The following MECOM variants were observed in gnomAD, a reference collection of about 807,000 sequenced individuals.
MECOM encodes MDS1 and EVI1 complex locus, also known as histone-lysine N-methyltransferase MECOM.
In MECOM, 13 loss-of-function variants were observed where a neutral mutation model predicts 116.3. The observed-to-expected ratio is 0.11, with a 90% CI of 0.07 to 0.18. The LOEUF (loss-of-function observed/expected upper bound fraction) is 0.18, where lower values mean the gene tolerates loss of function less well. Among genes scored for constraint, MECOM ranks in the 10% least tolerant of loss-of-function variants. The pLI is 1.00. For synonymous variants in MECOM, 528 were observed against 535.2 expected, an observed-to-expected ratio of 0.99 and a Z score of 0.19; for missense variants, 1,299 against 1,509.0, an observed-to-expected ratio of 0.86 and a Z score of 2.31.
intron 2 of MECOM, among the ~76,000 whole-genome samples, chr3:169,160,354 A>C (rs191061128): frequency 7.7e-4 from 117 of 152,090 alleles, no homozygotes; most frequent in Non-Finnish European, 1.4e-3. Flanking sequence ...GCTAGAAATG[A>C]TATGTGTTTT....
chr3:169,356,462 C>T (rs1727294990), intron 2 of MECOM, among the ~76,000 whole-genome samples: 1 of 151,876 alleles, frequency 6.6e-6, no homozygotes, highest in Non-Finnish European at 1.5e-5. Flanking sequence ...CAGCTTGTCA[C>T]ATTTCACTGA....
At chr3:169,622,069 C>T (rs925198026) in intron 1 of MECOM, among the ~76,000 whole-genome samples, 2 of 152,218 alleles carry the variant, frequency 1.3e-5, no homozygotes, top group Non-Finnish European at 2.9e-5. Context: ...TTTGAACTGT[C>T]ACACAGATGC....
chr3:169,279,408 C>T (rs969187005), intron 2 of MECOM, among the ~76,000 whole-genome samples: 8 of 151,968 alleles, frequency 5.3e-5, no homozygotes, highest in South Asian at 2.1e-4. Flanking sequence ...TTGCTTGTTA[C>T]GTAGTTGTTC....
intron 2 of MECOM, among the ~76,000 whole-genome samples, chr3:169,286,350 C>A (rs919013875): frequency 7.9e-5 from 12 of 152,158 alleles, no homozygotes; most frequent in African/African-American, 2.9e-4. Context: ...AAGTTGTTGA[C>A]CAAGCCCTGT....
intron 2 of MECOM, among the ~76,000 whole-genome samples, chr3:169,254,414 C>CTCAT (rs1756622604): frequency 6.6e-6 from 1 of 152,158 alleles, no homozygotes; most frequent in Non-Finnish European, 1.5e-5. Flanking sequence ...GCAGCAGACA[C>CTCAT]TCATTCATTC....
chr3:169,146,606 G>A (rs1005102190), intron 2 of MECOM: 1 of 1,371,306 alleles, frequency 7.3e-7, no homozygotes, highest in Non-Finnish European at 9.7e-7. Flanking sequence ...GAGGAGGAAA[G>A]AAGGCTGGGG....
chr3:169,265,522 A>G (rs1340039824), intron 2 of MECOM, among the ~76,000 whole-genome samples: 1 of 152,232 alleles, frequency 6.6e-6, no homozygotes, highest in African/African-American at 2.4e-5. Context: ...CATAGAAGTC[A>G]TCATTGGAAG....
intron 1 of MECOM, among the ~76,000 whole-genome samples, chr3:169,467,565 G>A (rs1560310519): frequency 6.6e-6 from 1 of 152,138 alleles, no homozygotes; most frequent in Non-Finnish European, 1.5e-5. Context: ...ATACCCTTGA[G>A]TGTCCAACTA....
intron 2 of MECOM, among the ~76,000 whole-genome samples, chr3:169,333,773 A>C (rs1393672528): frequency 6.6e-6 from 1 of 152,082 alleles, no homozygotes; most frequent in Non-Finnish European, 1.5e-5. Context: ...GGAGTTCTAC[A>C]TAACAACTGT....
At chr3:169,518,919 T>C (rs1188543274) in intron 1 of MECOM, among the ~76,000 whole-genome samples, 1 of 152,224 alleles carries the variant, frequency 6.6e-6, no homozygotes, top group East Asian at 1.9e-4. Context: ...CCTCCTTGCC[T>C]TCTGCCATGA....
rs1423744397 is a variant in MECOM, at chr3:169,341,120, T to C, written c.375+40067A>G. On this transcript the variant is annotated intron_variant, in intron 2 of 16. Coordinates refer to ENST00000651503, the MANE Select transcript of MECOM (RefSeq NM_004991.4). ...GCATTATGTAAACAAAGGATTTTTCTAATACAATCTTAAAGTCCCACTTTT... is the reference window on the plus strand; with the variant it reads ...GCATTATGTAAACAAAGGATTTTTCCAATACAATCTTAAAGTCCCACTTTT... 2.6e-5 allele frequency among the ~76,000 whole-genome samples: 4 copies of C among 152,218 alleles called. No individual in the cohort carries two copies. In the East Asian group the frequency reaches 7.7e-4, roughly 29 times the overall value.
chr3:169,451,444 G>C (rs999188224), intron 1 of MECOM, among the ~76,000 whole-genome samples: 5 of 152,216 alleles, frequency 3.3e-5, no homozygotes, highest in African/African-American at 1.2e-4. Context: ...AGAAGGGAAA[G>C]TAGATAGAAA....
At chr3:169,115,263 C>T in intron 8 of MECOM, 120 bp downstream of exon 8, 2 of 1,098,964 alleles carry the variant, frequency 1.8e-6, no homozygotes, top group South Asian at 2.0e-5. Flanking sequence ...CTAGATCAAA[C>T]AACTTCACTC....
chr3:169,527,710 G>A (rs189221754), intron 1 of MECOM, among the ~76,000 whole-genome samples: 128 of 152,170 alleles, frequency 8.4e-4, no homozygotes, highest in Middle Eastern at 3.4e-3. Flanking sequence ...AGGGCCTATG[G>A]TTAGAGAAGA....
chr3:169,217,251 C>T (rs1228338873), intron 2 of MECOM, among the ~76,000 whole-genome samples: 1 of 151,948 alleles, frequency 6.6e-6, no homozygotes, highest in African/African-American at 2.4e-5. Context: ...TGAACTATAG[C>T]TAGACTCTTG....
intron 2 of MECOM, among the ~76,000 whole-genome samples, chr3:169,282,514 T>C (rs189914041): frequency 1.3e-3 from 204 of 152,338 alleles, no homozygotes; most frequent in Middle Eastern, 3.4e-3. Context: ...ATTTATTAAA[T>C]AGACCACTTT....
intron 1 of MECOM, among the ~76,000 whole-genome samples, chr3:169,398,346 T>C (rs1170445033): frequency 6.6e-6 from 1 of 152,132 alleles, no homozygotes; most frequent in Non-Finnish European, 1.5e-5. Context: ...AATAGAAAAA[T>C]GTTCTACATC....
chr3:169,151,956 G>A (rs988018981), intron 2 of MECOM, among the ~76,000 whole-genome samples: 1 of 151,986 alleles, frequency 6.6e-6, no homozygotes, highest in Non-Finnish European at 1.5e-5. Context: ...ATGACCTTTA[G>A]GCAAGATAAA....
intron 1 of MECOM, among the ~76,000 whole-genome samples, chr3:169,461,166 C>T (rs1747375197): frequency 6.6e-6 from 1 of 152,078 alleles, no homozygotes; most frequent in Admixed American, 6.6e-5. Flanking sequence ...AGAGTTGAAT[C>T]TTCCACTTGC....
Sources: gnomAD v4.1 joint callset for allele counts (sites outside exome capture counted in the v4.1 genomes callset) on GRCh38, gnomAD v4.1.1 for gene constraint, MANE v1.5 for transcripts, NCBI Gene and HGNC (gene_info 2026-07-23, HGNC 2026-07-21) for gene names.